The following ZRANB2 variants were observed in gnomAD, a reference collection of about 807,000 sequenced individuals.
ZRANB2 encodes the protein zinc finger RANBP2-type containing 2.
In ZRANB2, 19 loss-of-function variants were observed where a neutral mutation model predicts 53.4. The ratio of observed to expected loss-of-function variants is 0.36; its 90% CI spans 0.25 to 0.52. ZRANB2 has a LOEUF of 0.52. Among genes scored for constraint, ZRANB2 ranks in the 20% least tolerant of loss-of-function variants. The pLI is 0.93. For synonymous variants in ZRANB2, 145 were observed against 134.8 expected (o/e 1.08, Z -0.52); for missense variants, 309 against 401.1 (o/e 0.77, Z 1.96).
intron 1 of ZRANB2, among the ~76,000 whole-genome samples, chr1:71,079,347 T>C (rs905464067): frequency 1.3e-5 from 2 of 152,174 alleles, no homozygotes; most frequent in African/African-American, 2.4e-5. Flanking sequence ...TTTATGCTTA[T>C]ACTCAACAAA....
intron 9 of ZRANB2, chr1:71,066,387 T>A (rs1661437518): frequency 6.3e-6 from 1 of 159,734 alleles, no homozygotes; most frequent in Non-Finnish European, 1.4e-5. Flanking sequence ...GATCTGAAAG[T>A]TAATTTTTTA....
chr1:71,071,023 C>T lies in ZRANB2; in HGVS notation c.514-27G>A, dbSNP rs1306906449. 21 of 1,509,206 alleles carry T rather than the reference C, an allele frequency of 1.4e-5. No homozygotes were observed. In the East Asian group the frequency reaches 4.4e-4, roughly 32 times the overall value. 93.5% of individuals were successfully genotyped at this position (1,509,206 alleles called of 1,614,324 possible). ...TAACAAAAATTCAATTATAATTAGA[C>T]ATTTAGATATTAGTGTTACCTACCA... On this transcript the variant is annotated intron_variant, in intron 6 of 9. Coordinates refer to ENST00000370920, the MANE Select transcript of ZRANB2 (RefSeq NM_203350.3).
intron 4 of ZRANB2, among the ~76,000 whole-genome samples, chr1:71,075,056 T>C (rs898432976): frequency 2.6e-5 from 4 of 152,164 alleles, no homozygotes; most frequent in Non-Finnish European, 5.9e-5. Flanking sequence ...CTTGTGATAA[T>C]GAAACTATAA....
At chr1:71,069,585 A>C in intron 7 of ZRANB2, 2 of 327,530 alleles carry the variant, frequency 6.1e-6, no homozygotes, top group South Asian at 1.5e-4. Flanking sequence ...CCCTAAAGCC[A>C]CTCAACTATA....
intron 1 of ZRANB2, among the ~76,000 whole-genome samples, chr1:71,080,661 G>GGGGGGA (rs1661822756): frequency 7.4e-6 from 1 of 135,812 alleles, no homozygotes; most frequent in African/African-American, 2.7e-5. Context: ...GGGGAGGGGG[G>GGGGGGA]TGGGGGCAAA....
Position 71,078,714 on chromosome 1 carries a change from A to C in ZRANB2, c.57-6T>G, listed in dbSNP as rs1440083870. ...CAAAGTTTACATTTCCACATCTAAAAACAGATTAAAAAGCATTTATAAAAA... is the reference window on the plus strand; with the variant it reads ...CAAAGTTTACATTTCCACATCTAAACACAGATTAAAAAGCATTTATAAAAA... On this transcript the variant is annotated splice_polypyrimidine_tract_variant and splice_region_variant and intron_variant, in intron 1 of 9. Transcript: ENST00000370920. 1 of 1,609,276 alleles carries C rather than the reference A, an allele frequency of 6.2e-7. No individual in the cohort carries two copies. The highest frequency in any genetic ancestry group is 8.5e-7 in the Non-Finnish European group (1 of 1,176,832).
At position 71,066,854 on chromosome 1, in the gene ZRANB2, T is replaced by A. The variant is rs1176030060; in HGVS notation, c.851A>T (p.Asn284Ile). 6.2e-7 allele frequency: 1 copy of A among 1,612,704 alleles called. No individual in the cohort carries two copies. Among genetic ancestry groups the A allele is most frequent in the South Asian group, 1.1e-5 (1 of 90,388 alleles). ...AGATCTAGAACGACTTCTCTTTCTG[T>A]TCCTCTCAGGAGAAGATGATGAACT... The part of the protein sequence containing the change: ...YSSSSSSPER[N>I]RKRSRSRSSS... Residue 284 changes from asparagine (N) to isoleucine (I), a missense_variant, in exon 9 of 10, where the codon AAC (asparagine) becomes ATC (isoleucine). Around this residue, in one of 3 missense-constraint regions of ZRANB2, gnomAD observed 211 missense variants for 196.1 expected, o/e 1.08. Coordinates refer to ENST00000370920, the MANE Select transcript of ZRANB2 (RefSeq NM_203350.3).
chr1:71,078,723 A>T lies in ZRANB2; in HGVS notation c.57-15T>A. On this transcript the variant is annotated splice_polypyrimidine_tract_variant and intron_variant, in intron 1 of 9. Transcript: ENST00000370920. ...CATTTCCACATCTAAAAACAGATTAAAAAGCATTTATAAAAATTTAAATTT... is the reference window on the plus strand; with the variant it reads ...CATTTCCACATCTAAAAACAGATTATAAAGCATTTATAAAAATTTAAATTT... The T allele has an allele frequency of 6.2e-7, 1 of 1,602,762 alleles. No individual in the cohort carries two copies. Among genetic ancestry groups the T allele is most frequent in the Non-Finnish European group, 8.5e-7 (1 of 1,173,314 alleles).
Position 71,081,013 on chromosome 1 carries a change from C to T in ZRANB2, c.-18G>A, listed in dbSNP as rs770754395. 6 of 1,614,034 alleles carry T rather than the reference C, an allele frequency of 3.7e-6. No individual in the cohort carries two copies. The highest frequency in any genetic ancestry group is 5.1e-6 in the Non-Finnish European group (6 of 1,180,038). On this transcript the variant is annotated 5_prime_UTR_variant, in exon 1 of 10. The change creates a new upstream start codon in the 5' untranslated region. Coordinates refer to ENST00000370920, the MANE Select transcript of ZRANB2 (RefSeq NM_203350.3). ...GTCGACATCTTGAACGCCACCAGCACAGCCACCCGCAGCTATGTCTTCACA... is the reference window on the plus strand; with the variant it reads ...GTCGACATCTTGAACGCCACCAGCATAGCCACCCGCAGCTATGTCTTCACA...
intron 1 of ZRANB2, 98 bp downstream of exon 1, chr1:71,080,842 A>T: frequency 7.0e-7 from 1 of 1,421,676 alleles, no homozygotes; most frequent in Non-Finnish European, 9.9e-7. Context: ...AACCCGTCTT[A>T]AGGCACAGAA....
At chr1:71,077,213 TGA>T (rs1661729089) in intron 3 of ZRANB2, among the ~76,000 whole-genome samples, 1 of 152,154 alleles carries the variant, frequency 6.6e-6, no homozygotes, top group Non-Finnish European at 1.5e-5. Context: ...TAAAACTTTT[TGA>T]GAGAGGACAT....
chr1:71,078,828 C>A, intron 1 of ZRANB2, 120 bp from the exon 2 acceptor site: 2 of 825,110 alleles, frequency 2.4e-6, no homozygotes, highest in South Asian at 1.8e-5. Context: ...ATGTTAATGT[C>A]AATGTTACCA....
Position 71,080,984 on chromosome 1 carries a change from C to T in ZRANB2, c.12G>A (p.Lys4=). The change falls in exon 1 of 10, where the codon AAG becomes AAA. Residue 4 remains lysine, a synonymous_variant. Coordinates refer to ENST00000370920, the MANE Select transcript of ZRANB2 (RefSeq NM_203350.3). The part of the protein sequence containing the change: MST[K]NFRVSDGDWI... ...AGTCCCCGTCACTGACTCGGAAATT[C>T]TTGGTCGACATCTTGAACGCCACCA... 9 of 1,614,160 alleles carry T rather than the reference C, an allele frequency of 5.6e-6. No homozygotes were observed. The highest frequency in any genetic ancestry group is 2.2e-5 in the South Asian group (2 of 91,080).
chr1:71,080,820 G>T, intron 1 of ZRANB2, 120 bp downstream of exon 1: 2 of 1,179,124 alleles, frequency 1.7e-6, no homozygotes, highest in Non-Finnish European at 2.5e-6. Flanking sequence ...GGAACTGGCG[G>T]TTCGCCGCCT....
chr1:71,066,197 A>C (rs1237890080), intron 9 of ZRANB2: 1 of 158,956 alleles, frequency 6.3e-6, no homozygotes, highest in Non-Finnish European at 1.4e-5. Flanking sequence ...GCATTCTTCC[A>C]ATATTAAAAG....
At chr1:71,072,590 T>C in intron 4 of ZRANB2, 42 bp from the exon 5 acceptor site, 5 of 1,480,126 alleles carry the variant, frequency 3.4e-6, no homozygotes, top group Non-Finnish European at 4.7e-6. Flanking sequence ...TGACAATTGA[T>C]TTAAATAATA....
chr1:71,080,525 G>A (rs2101054500), intron 1 of ZRANB2, among the ~76,000 whole-genome samples: 1 of 152,230 alleles, frequency 6.6e-6, no homozygotes, highest in Middle Eastern at 3.4e-3. Context: ...AAAAGGACGA[G>A]TGCGAGAAAG....
intron 3 of ZRANB2, among the ~76,000 whole-genome samples, chr1:71,077,984 T>G (rs1044990645): frequency 8.5e-5 from 13 of 152,228 alleles, no homozygotes; most frequent in African/African-American, 2.9e-4. Context: ...AATGAAGAAT[T>G]AAATCTAAGC....
At chr1:71,068,648 T>C (rs985398619) in intron 8 of ZRANB2, among the ~76,000 whole-genome samples, 2 of 152,206 alleles carry the variant, frequency 1.3e-5, no homozygotes, top group South Asian at 4.1e-4. Context: ...CTTTATCTGA[T>C]ATAAATGGCA....
Sources: gnomAD v4.1 joint callset for allele counts (sites outside exome capture counted in the v4.1 genomes callset) on GRCh38, gnomAD v4.1.1 for gene constraint, gnomAD v4.1.1 regional missense constraint, MANE v1.5 for transcripts, NCBI Gene and HGNC (gene_info 2026-07-23, HGNC 2026-07-21) for gene names.